FUNDC1: variants seen among roughly 807,000 people sequenced by gnomAD.
The protein encoded by FUNDC1 is FUN14 domain containing 1.
In FUNDC1, 10 loss-of-function variants were observed where a neutral mutation model predicts 14.5. The ratio of observed to expected loss-of-function variants is 0.69; its 90% confidence interval spans 0.43 to 1.17. FUNDC1 has a LOEUF of 1.17. FUNDC1 is among the 50% of genes most tolerant of loss of function. The probability of loss-of-function intolerance (pLI) is 0.00; values close to 1 mark genes in which losing one functional copy is unlikely to be tolerated. For synonymous variants in FUNDC1, 33 were observed against 39.7 expected (o/e 0.83, Z 0.64); for missense variants, 115 against 113.8 (o/e 1.01, Z -0.05).
At chrX:44,525,363 A>T (rs1214340259) in intron 4 of FUNDC1, among the ~76,000 whole-genome samples, 2 of 107,016 alleles carry the variant, frequency 1.9e-5, no homozygotes, top group Admixed American at 2.0e-4. Context: ...TAATTTTTGT[A>T]TTTTCTGTAG....
intron 2 of FUNDC1, among the ~76,000 whole-genome samples, chrX:44,540,414 T>TTGTGTGTGTG (rs367975882): frequency 1.1e-3 from 109 of 96,666 alleles, no homozygotes; most frequent in Non-Finnish European, 1.7e-3. Flanking sequence ...AATGTGTGTG[T>TTGTGTGTGTG]TGTGTGTGTG....
At chrX:44,535,655 G>A (rs1424477436) in intron 3 of FUNDC1, among the ~76,000 whole-genome samples, 1 of 73,122 alleles carries the variant, frequency 1.4e-5, no homozygotes, top group East Asian at 4.6e-4. Context: ...GGGTGACAGA[G>A]CAAGACTCTG....
In FUNDC1 at chrX:44,524,230, C is replaced by A. The variant is rs1235974505; in HGVS notation, c.436G>T (p.Val146Leu). Reference sequence around the variant, plus strand: ...GCAAGTCCGAGCAAAAAGCCTCCCACAAATCCACTGGATATCACAATGTTC... The same window carrying A: ...GCAAGTCCGAGCAAAAAGCCTCCCAAAAATCCACTGGATATCACAATGTTC... Reference protein sequence around the residue: ...KQNIVISSGFVGGFLLGLAS With the variant: ...KQNIVISSGFLGGFLLGLAS The change falls in exon 5 of 5, where the codon GTG (valine) becomes TTG (leucine). Residue 146 changes from valine (V) to leucine (L), a missense_variant. Coordinates refer to ENST00000378045, the MANE Select transcript of FUNDC1 (RefSeq NM_173794.4). The A allele has an allele frequency of 8.3e-7, 1 of 1,206,820 alleles. No individual in the cohort carries two copies. The highest frequency in any genetic ancestry group is 3.0e-5 in the East Asian group (1 of 33,813).
At chrX:44,536,214 G>A (rs1248074252) in intron 3 of FUNDC1, among the ~76,000 whole-genome samples, 1 of 107,596 alleles carries the variant, frequency 9.3e-6, no homozygotes, top group Non-Finnish European at 1.9e-5. Flanking sequence ...AGCTACTTGG[G>A]AGGCTGAGGC....
chrX:44,535,864 T>C (rs1383836713), intron 3 of FUNDC1, among the ~76,000 whole-genome samples: 4 of 104,881 alleles, frequency 3.8e-5, no homozygotes, highest in Non-Finnish European at 5.8e-5. Context: ...CAGGTGCCTG[T>C]AATCCCAGCT....
intron 2 of FUNDC1, among the ~76,000 whole-genome samples, chrX:44,540,900 T>C (rs2038968866): frequency 9.0e-6 from 1 of 111,398 alleles, no homozygotes; most frequent in Admixed American, 9.6e-5. Flanking sequence ...GCAGGCTTTT[T>C]TCCTGCAGCA....
At chrX:44,538,399 A>C (rs896243680) in intron 3 of FUNDC1, 68 bp downstream of exon 3, 11 of 809,445 alleles carry the variant, frequency 1.4e-5, no homozygotes, top group Middle Eastern at 2.8e-4. Flanking sequence ...TCTTCCATAA[A>C]CTGATGCCTA....
chrX:44,542,277 TAA>T, intron 1 of FUNDC1, 176 bp from the exon 2 acceptor site: 1 of 428,675 alleles, frequency 2.3e-6, no homozygotes, highest in Non-Finnish European at 4.0e-6. Flanking sequence ...GCCTCAAGAG[TAA>T]AGGACCCTGC....
intron 3 of FUNDC1, among the ~76,000 whole-genome samples, chrX:44,535,752 A>G (rs12396596): frequency 0.27 from 28,337 of 104,599 alleles, 5,036 homozygotes; most frequent in African/African-American, 0.63. Flanking sequence ...TTGGGAGGCC[A>G]AGGCGGGTGG....
chrX:44,538,602 C>G, intron 2 of FUNDC1, 60 bp from the exon 3 acceptor site: 1 of 855,902 alleles, frequency 1.2e-6, no homozygotes, highest in East Asian at 3.1e-5. Flanking sequence ...TCTCCCTCTT[C>G]TACTTTTCAT....
chrX:44,529,345 A>C (rs1427885478), intron 3 of FUNDC1, among the ~76,000 whole-genome samples: 1 of 111,803 alleles, frequency 8.9e-6, no homozygotes, highest in East Asian at 2.8e-4. Context: ...ATTTTGTATA[A>C]TTTAAAGAAT....
At chrX:44,534,357 T>A (rs2038939232) in intron 3 of FUNDC1, among the ~76,000 whole-genome samples, 1 of 109,052 alleles carries the variant, frequency 9.2e-6, no homozygotes, top group African/African-American at 3.3e-5. Flanking sequence ...AACTGTAAAA[T>A]AAATAAAGAA....
In FUNDC1 at chrX:44,542,085, G is replaced by A. The variant is rs755173987; in HGVS notation, c.45C>T (p.Asp15=). ...NPPPQDYESD[D]DSYEVLDLTE... Reference sequence around the variant, plus strand: ...TTAAATCCAACACTTCATAAGAGTCGTCATCACTTTCATAGTCTTCAAAAT... The same window carrying A: ...TTAAATCCAACACTTCATAAGAGTCATCATCACTTTCATAGTCTTCAAAAT... The change falls in exon 2 of 5, where the codon GAC becomes GAT. Residue 15 remains aspartate (D), a synonymous_variant. Coordinates refer to ENST00000378045, the MANE Select transcript of FUNDC1 (RefSeq NM_173794.4). The A allele has an allele frequency of 1.6e-5, 19 of 1,195,854 alleles. No homozygotes were observed. Among genetic ancestry groups the A allele is most frequent in the Non-Finnish European group, 1.9e-5 (17 of 886,317 alleles).
At chrX:44,525,207 AT>A (rs1178183524) in intron 4 of FUNDC1, among the ~76,000 whole-genome samples, 1 of 109,706 alleles carries the variant, frequency 9.1e-6, no homozygotes, top group African/African-American at 3.3e-5. Context: ...ACAATATATA[AT>A]TTTTTTTGGG....
intron 3 of FUNDC1, among the ~76,000 whole-genome samples, chrX:44,531,285 CGGCTTT>C (rs2038922977): frequency 1.9e-5 from 1 of 52,477 alleles, no homozygotes; most frequent in Non-Finnish European, 3.0e-5. Flanking sequence ...CACACACACA[CGGCTTT>C]CAGATGAAGA....
chrX:44,531,920 C>G (rs1356467223), intron 3 of FUNDC1, among the ~76,000 whole-genome samples: 2 of 110,957 alleles, frequency 1.8e-5, no homozygotes, highest in Non-Finnish European at 3.8e-5. Flanking sequence ...AGATTATAAA[C>G]CAAAGTATAA....
At chrX:44,526,361 C>T (rs963123032) in intron 4 of FUNDC1, among the ~76,000 whole-genome samples, 1 of 107,733 alleles carries the variant, frequency 9.3e-6, no homozygotes, top group Admixed American at 1.0e-4. Flanking sequence ...ACCCGAGAGG[C>T]GAAGGTTGCA....
intron 3 of FUNDC1, among the ~76,000 whole-genome samples, chrX:44,528,521 T>C (rs1395238346): frequency 2.7e-5 from 3 of 112,174 alleles, no homozygotes; most frequent in Non-Finnish European, 3.8e-5. Context: ...TACATATAAA[T>C]TGAAAAGACT....
At chrX:44,526,091 G>A (rs1185775256) in intron 4 of FUNDC1, among the ~76,000 whole-genome samples, 7 of 92,470 alleles carry the variant, frequency 7.6e-5, no homozygotes, top group Non-Finnish European at 1.5e-4. Flanking sequence ...GCAACACAGC[G>A]AGACAGAATG....
Sources: gnomAD v4.1 joint callset for allele counts (sites outside exome capture counted in the v4.1 genomes callset) on GRCh38, gnomAD v4.1.1 for gene constraint, MANE v1.5 for transcripts, NCBI Gene and HGNC (gene_info 2026-07-23, HGNC 2026-07-21) for gene names.